PAK1: variants seen among roughly 807,000 people sequenced by gnomAD.
PAK1 encodes the protein p21 (RAC1) activated kinase 1, also known as serine/threonine-protein kinase PAK 1.
PAK1 carries 29 observed loss-of-function variants against 67.4 expected under a neutral mutation model. The observed-to-expected ratio is 0.43, with a 90% CI of 0.32 to 0.59. The LOEUF (loss-of-function observed/expected upper bound fraction) is 0.59, where lower values mean the gene tolerates loss of function less well. Ranked by LOEUF, PAK1 falls within the 20% of genes least tolerant of loss-of-function variation. The pLI is 0.07. For synonymous variants in PAK1, 223 were observed against 237.4 expected (o/e 0.94, Z 0.56); for missense variants, 337 against 670.7 (o/e 0.50, Z 5.50).
chr11:77,408,796 CAAGT>C (rs1291924690), intron 1 of PAK1, among the ~76,000 whole-genome samples: 1 of 151,942 alleles, frequency 6.6e-6, no homozygotes, highest in African/African-American at 2.4e-5. Flanking sequence ...GCAAAAAAAA[CAAGT>C]AATCCAATTT....
intron 2 of PAK1, among the ~76,000 whole-genome samples, chr11:77,387,758 T>G (rs1013756306): frequency 3.3e-5 from 5 of 152,058 alleles, no homozygotes; most frequent in Admixed American, 1.3e-4. Flanking sequence ...TAAATCAGAG[T>G]TAACAAATGT....
At chr11:77,395,589 TAC>T (rs916359718) in intron 1 of PAK1, among the ~76,000 whole-genome samples, 1 of 151,362 alleles carries the variant, frequency 6.6e-6, no homozygotes, top group Non-Finnish European at 1.5e-5. Context: ...TATTTACTTA[TAC>T]ACACACACAG....
rs368575964 is a variant in PAK1, at chr11:77,421,399, A to G, written c.-21-28858T>C. The stretch of plus-strand genomic sequence containing the variant: ...TTCTTCCCTAACCAATCTTTATAAA[A>G]TGATTTAAAAATCCCCCTCTACTCT... On this transcript the variant is annotated intron_variant, in intron 1 of 14. Transcript: ENST00000356341. Among the ~76,000 whole-genome samples the G allele has an allele frequency of 1.4e-4, 22 of 152,346 alleles. No homozygotes were observed. In the East Asian group the frequency reaches 4.0e-3, roughly 28 times the overall value.
chr11:77,384,513 C>T (rs1325412194), intron 2 of PAK1, among the ~76,000 whole-genome samples: 1 of 152,194 alleles, frequency 6.6e-6, no homozygotes, highest in Admixed American at 6.5e-5. Flanking sequence ...ACCCAAATGT[C>T]CCTCAAGTGA....
intron 1 of PAK1, among the ~76,000 whole-genome samples, chr11:77,416,606 T>G (rs1003231970): frequency 1.3e-5 from 2 of 152,134 alleles, no homozygotes; most frequent in African/African-American, 4.8e-5. Context: ...AAAAGAATAA[T>G]AAATATATAA....
At chr11:77,499,328 C>G in the PAK1 span, among the ~76,000 whole-genome samples, 1 of 152,078 alleles carries the variant, frequency 6.6e-6, no homozygotes, top group Non-Finnish European at 1.5e-5. Context: ...CTCCTGAATA[C>G]CTGGGACTAC....
At chr11:77,453,506 T>G (rs1956950497) in intron 1 of PAK1, among the ~76,000 whole-genome samples, 1 of 144,886 alleles carries the variant, frequency 6.9e-6, no homozygotes. Context: ...TTAGAAAATG[T>G]GAGATATATT....
chr11:77,469,519 C>T (rs1957752213), intron 1 of PAK1, among the ~76,000 whole-genome samples: 1 of 152,184 alleles, frequency 6.6e-6, no homozygotes, highest in East Asian at 1.9e-4. Context: ...GCAACTATTA[C>T]TATCCCCATT....
At chr11:77,433,670 T>G (rs1483294800) in intron 1 of PAK1, among the ~76,000 whole-genome samples, 1 of 152,080 alleles carries the variant, frequency 6.6e-6, no homozygotes, top group Non-Finnish European at 1.5e-5. Flanking sequence ...TCCCAGCTAC[T>G]GGAGAGGCTG....
chr11:77,459,316 G>A (rs1179577820), intron 1 of PAK1, among the ~76,000 whole-genome samples: 1 of 152,130 alleles, frequency 6.6e-6, no homozygotes, highest in South Asian at 2.1e-4. Flanking sequence ...TGGTTGCCAC[G>A]ACACTAGTTA....
chr11:77,413,512 C>T (rs1192986187), intron 1 of PAK1, among the ~76,000 whole-genome samples: 7 of 152,096 alleles, frequency 4.6e-5, no homozygotes, highest in East Asian at 1.9e-4. Context: ...GGTGAAACCC[C>T]GTCTCTACTA....
chr11:77,466,776 A>G (rs1281173166), intron 1 of PAK1, among the ~76,000 whole-genome samples: 1 of 152,190 alleles, frequency 6.6e-6, no homozygotes. Flanking sequence ...TAAGACGGCT[A>G]TGGTGTAATA....
At chr11:77,525,241 A>C in the PAK1 span, among the ~76,000 whole-genome samples, 2 of 151,710 alleles carry the variant, frequency 1.3e-5, no homozygotes, top group Admixed American at 1.3e-4. Context: ...CCCAGGTACT[A>C]GGAGGCTGAG....
chr11:77,517,392 G>A, the PAK1 span, among the ~76,000 whole-genome samples: 5 of 152,338 alleles, frequency 3.3e-5, no homozygotes, highest in East Asian at 7.7e-4. Flanking sequence ...GGAAGGGGCA[G>A]CCCTATGCAA....
intron 5 of PAK1, among the ~76,000 whole-genome samples, chr11:77,369,318 C>T (rs1201792503): frequency 1.3e-5 from 2 of 151,688 alleles, no homozygotes; most frequent in Non-Finnish European, 2.9e-5. Context: ...CTGTTCTCTG[C>T]TTATGCTTGA....
chr11:77,426,841 T>TAAAA (rs66931592), intron 1 of PAK1, among the ~76,000 whole-genome samples: 1 of 128,210 alleles, frequency 7.8e-6, no homozygotes, highest in East Asian at 2.2e-4. Flanking sequence ...GAGCAATCTT[T>TAAAA]AAAAAAAAAA....
chr11:77,325,855 T>A (rs1306971541), intron 14 of PAK1, among the ~76,000 whole-genome samples: 1 of 152,192 alleles, frequency 6.6e-6, no homozygotes, highest in African/African-American at 2.4e-5. Flanking sequence ...CCAATGTGGG[T>A]TCTTCCAGTA....
chr11:77,398,629 G>C (rs998005578), intron 1 of PAK1, among the ~76,000 whole-genome samples: 1 of 152,206 alleles, frequency 6.6e-6, no homozygotes, highest in African/African-American at 2.4e-5. Flanking sequence ...ATCTTGAACA[G>C]TGCTGCAACA....
the PAK1 span, among the ~76,000 whole-genome samples, chr11:77,492,300 A>G: frequency 6.6e-6 from 1 of 151,964 alleles, no homozygotes; most frequent in Admixed American, 6.6e-5. Flanking sequence ...ACGCCACTGC[A>G]CACCAGCCTG....
Sources: allele counts gnomAD v4.1 joint callset (sites outside exome capture counted in the v4.1 genomes callset), GRCh38; gene constraint gnomAD v4.1.1; transcripts MANE v1.5; gene names NCBI Gene and HGNC (gene_info 2026-07-23, HGNC 2026-07-21).